The following DLGAP2 variants were observed in gnomAD, a reference collection of about 807,000 sequenced individuals.
The protein encoded by DLGAP2 is disks large-associated protein 2.
A neutral mutation model predicts 100.3 loss-of-function variants in DLGAP2; 26 were observed. The ratio of observed to expected loss-of-function variants is 0.26; its 90% CI spans 0.19 to 0.36. The LOEUF (loss-of-function observed/expected upper bound fraction) is 0.36. DLGAP2 is among the 10% of genes least tolerant of loss of function. The pLI is 1.00. For synonymous variants in DLGAP2, 886 were observed against 630.1 expected (o/e 1.41, Z -6.08); for missense variants, 1,858 against 1,453.2 (o/e 1.28, Z -4.53).
intron 2 of DLGAP2, among the ~76,000 whole-genome samples, chr8:987,942 A>G (rs1800534778): frequency 6.6e-6 from 1 of 152,200 alleles, no homozygotes; most frequent in South Asian, 2.1e-4. Context: ...TGTATTAAGG[A>G]GATCAGTGCT....
intron 3 of DLGAP2, among the ~76,000 whole-genome samples, chr8:1,334,891 TCTC>T (rs1012659355): frequency 1.1e-4 from 17 of 152,020 alleles, no homozygotes; most frequent in South Asian, 2.1e-4. Flanking sequence ...TGTTCTTTCT[TCTC>T]CTCCCCGCCT....
At chr8:1,606,710 T>C (rs1796811999) in intron 6 of DLGAP2, among the ~76,000 whole-genome samples, 1 of 152,116 alleles carries the variant, frequency 6.6e-6, no homozygotes, top group South Asian at 2.1e-4. Context: ...TGAGATGAGG[T>C]CTCACTCTGT....
At chr8:1,040,507 C>T (rs1343653001) in intron 2 of DLGAP2, among the ~76,000 whole-genome samples, 9 of 142,164 alleles carry the variant, frequency 6.3e-5, no homozygotes, top group East Asian at 2.1e-4. Context: ...TCTCGGTGTG[C>T]GTGGTTGGCT....
At chr8:753,971 T>C (rs7011220) in intron 1 of DLGAP2, 68,763 of 152,070 alleles carry the variant, frequency 0.45, 15,748 homozygotes, top group Non-Finnish European at 0.49. Context: ...AGGTGCACTT[T>C]AATTCCCCAT....
At chr8:1,111,297 C>T (rs1467057095) in intron 2 of DLGAP2, among the ~76,000 whole-genome samples, 1 of 152,202 alleles carries the variant, frequency 6.6e-6, no homozygotes, top group East Asian at 1.9e-4. Context: ...GAAGACCCAG[C>T]ACTGTGTGTG....
intron 2 of DLGAP2, among the ~76,000 whole-genome samples, chr8:952,336 T>C (rs1209808728): frequency 2.6e-5 from 4 of 152,266 alleles, no homozygotes; most frequent in Non-Finnish European, 5.9e-5. Context: ...TTGATGTTTA[T>C]TGCATTCGAA....
intron 2 of DLGAP2, among the ~76,000 whole-genome samples, chr8:1,184,983 T>G (rs1219085929): frequency 6.6e-6 from 1 of 151,974 alleles, no homozygotes; most frequent in Non-Finnish European, 1.5e-5. Flanking sequence ...GCTCAGACTT[T>G]AGAGCAGGAG....
intron 4 of DLGAP2, among the ~76,000 whole-genome samples, chr8:1,529,724 A>T (rs903093553): frequency 3.3e-5 from 5 of 152,246 alleles, no homozygotes; most frequent in African/African-American, 1.2e-4. Flanking sequence ...CTTATCAGGG[A>T]ACCTGCCCCG....
chr8:1,233,265 A>G (rs4380967), intron 2 of DLGAP2, among the ~76,000 whole-genome samples: 145,912 of 152,306 alleles, frequency 0.96, 69,952 homozygotes, highest in Middle Eastern at 0.99. Flanking sequence ...CATTTGTGTG[A>G]GCATCCTGGA....
At position 802,335 on chromosome 8, in the gene DLGAP2, T is replaced by A. The variant is rs1171393596; in HGVS notation, c.18+64510T>A. Among the ~76,000 whole-genome samples the A allele has an allele frequency of 1.6e-3, 239 of 148,540 alleles. 1 individual carries two copies. Among genetic ancestry groups the A allele is most frequent in the African/African-American group, 5.7e-3 (231 of 40,396 alleles). On this transcript the variant is annotated intron_variant, in intron 1 of 14. Transcript: ENST00000637795. ...TCACGGCCTGGGGAATAGTCCGCGC[T>A]CCTCCTGGGTCCCCCCACCTCAGGC...
intron 2 of DLGAP2, among the ~76,000 whole-genome samples, chr8:1,257,388 C>A (rs192830749): frequency 2.0e-5 from 3 of 152,174 alleles, no homozygotes; most frequent in African/African-American, 7.2e-5. Flanking sequence ...TTTTAATGTT[C>A]CGCTCCCTCC....
intron 3 of DLGAP2, among the ~76,000 whole-genome samples, chr8:1,374,531 G>A (rs1220227041): frequency 6.6e-6 from 1 of 152,146 alleles, no homozygotes; most frequent in African/African-American, 2.4e-5. Flanking sequence ...TTAACAAAGG[G>A]CATTCAGGTG....
At chr8:1,302,881 T>A (rs1360187211) in intron 3 of DLGAP2, among the ~76,000 whole-genome samples, 5 of 152,224 alleles carry the variant, frequency 3.3e-5, no homozygotes, top group Non-Finnish European at 4.4e-5. Flanking sequence ...TTAGGTACTT[T>A]CCAAAACGTC....
intron 2 of DLGAP2, among the ~76,000 whole-genome samples, chr8:1,091,546 C>T (rs1446667315): frequency 6.6e-6 from 1 of 152,248 alleles, no homozygotes; most frequent in East Asian, 1.9e-4. Context: ...TATGTGTGTG[C>T]ACACACCTGT....
chr8:1,248,720 A>C (rs1798970730), intron 2 of DLGAP2: 2 of 146,092 alleles, frequency 1.4e-5, no homozygotes, highest in African/African-American at 5.0e-5. Flanking sequence ...GGAGAGAGGG[A>C]GTGGCGGATG....
intron 8 of DLGAP2, among the ~76,000 whole-genome samples, chr8:1,649,914 C>G (rs556476348): frequency 2.0e-5 from 3 of 152,020 alleles, no homozygotes; most frequent in Non-Finnish European, 4.4e-5. Context: ...CAAATGTTAC[C>G]ATGAGTACAA....
chr8:779,266 G>A (rs1221162779), intron 1 of DLGAP2, among the ~76,000 whole-genome samples: 1 of 152,154 alleles, frequency 6.6e-6, no homozygotes, highest in Non-Finnish European at 1.5e-5. Flanking sequence ...GATGAACCTG[G>A]TACCTCAGAT....
intron 2 of DLGAP2, chr8:1,002,194 G>C (rs932340912): frequency 3.9e-5 from 6 of 152,114 alleles, no homozygotes; most frequent in Non-Finnish European, 7.3e-5. Context: ...TTCCTTCCTG[G>C]TGCTCACACC....
rs560700989 is a variant in DLGAP2 at position 1,430,266 on chromosome 8, C to T, written c.107-71100C>T. Among the ~76,000 whole-genome samples the T allele has an allele frequency of 6.6e-5, 10 of 151,654 alleles. No individual in the cohort carries two copies. In the South Asian group the frequency reaches 1.9e-3, roughly 29 times the overall value. ...TTAATTTAGATTCTACATAAGCATTCGAAATCCTCCTTGCTAAAAATAAGA... is the reference window on the plus strand; with the variant it reads ...TTAATTTAGATTCTACATAAGCATTTGAAATCCTCCTTGCTAAAAATAAGA... On this transcript the variant is annotated intron_variant, in intron 3 of 14. Coordinates refer to ENST00000637795, the MANE Select transcript of DLGAP2 (RefSeq NM_001346810.2).
Sources: gnomAD v4.1 joint callset for allele counts (sites outside exome capture counted in the v4.1 genomes callset) on GRCh38, gnomAD v4.1.1 for gene constraint, MANE v1.5 for transcripts, NCBI Gene and HGNC (gene_info 2026-07-23, HGNC 2026-07-21) for gene names.